The following APP variants were observed in gnomAD, a reference collection of about 807,000 sequenced individuals.
The protein encoded by APP is amyloid beta precursor protein.
In APP, 31 loss-of-function variants were observed where a neutral mutation model predicts 101.4. That is an observed-to-expected ratio of 0.31 (90% CI 0.23 to 0.41). The LOEUF (loss-of-function observed/expected upper bound fraction) is 0.41. Ranked by LOEUF, APP falls within the 10% of genes least tolerant of loss-of-function variation. The pLI is 1.00. For synonymous variants in APP, 366 were observed against 364.4 expected, an observed-to-expected ratio of 1.00 and a Z score of -0.05; for missense variants, 839 against 1,003.7, an observed-to-expected ratio of 0.84 and a Z score of 2.22.
intron 14 of APP, among the ~76,000 whole-genome samples, chr21:25,910,760 C>T (rs1228993042): frequency 1.3e-5 from 2 of 152,270 alleles, no homozygotes; most frequent in Admixed American, 1.3e-4. Context: ...TGGCAGCTGC[C>T]TTAAATTTAA....
intron 14 of APP, among the ~76,000 whole-genome samples, chr21:25,908,774 C>T (rs1346136095): frequency 1.3e-5 from 2 of 151,410 alleles, no homozygotes; most frequent in Non-Finnish European, 2.9e-5. Flanking sequence ...TTATTTAATG[C>T]TCATACTATA....
chr21:25,988,798 C>A (rs369603747), intron 8 of APP, among the ~76,000 whole-genome samples: 1 of 151,018 alleles, frequency 6.6e-6, no homozygotes, highest in Non-Finnish European at 1.5e-5. Context: ...CCTTCCCACA[C>A]GAGAAGGGTC....
At chr21:25,964,208 A>G (rs1170402594) in intron 11 of APP, among the ~76,000 whole-genome samples, 1 of 152,170 alleles carries the variant, frequency 6.6e-6, no homozygotes, top group South Asian at 2.1e-4. Flanking sequence ...AGCATCTAGG[A>G]GTCATCTATC....
chr21:25,969,831 C>T, intron 11 of APP, among the ~76,000 whole-genome samples: 1 of 83,292 alleles, frequency 1.2e-5, no homozygotes, highest in African/African-American at 6.3e-5. Context: ...AGAGCAAGAC[C>T]CTGAAAAGAA....
chr21:26,056,308 G>C (rs1319377895), intron 3 of APP, among the ~76,000 whole-genome samples: 10 of 152,130 alleles, frequency 6.6e-5, no homozygotes. Flanking sequence ...AAAGTGCCGG[G>C]ATTACAGACA....
At chr21:26,021,816 G>C (rs1437515160) in intron 6 of APP, 24 bp downstream of exon 6, 1 of 1,610,368 alleles carries the variant, frequency 6.2e-7, no homozygotes. Context: ...GGGGTGGGGG[G>C]AATCCAAGCA....
intron 8 of APP, among the ~76,000 whole-genome samples, chr21:25,996,567 GCT>G (rs1457776227): frequency 1.3e-5 from 2 of 151,910 alleles, no homozygotes; most frequent in Middle Eastern, 6.3e-3. Context: ...GGTAACCTTT[GCT>G]CTCTTTCTTC....
Position 25,886,972 on chromosome 21 carries a change from C to T in APP, c.2211+4750G>A, listed in dbSNP as rs2037367382. Among the ~76,000 whole-genome samples, 3 of 151,928 alleles carry T rather than the reference C, an allele frequency of 2.0e-5. No individual in the cohort carries two copies. The South Asian group carries it at 6.2e-4, about 32-fold the overall frequency. ...TTAGAAAAAGTCATATGCCATACCTCCATAAAAGCCAAATAAAAGGAACTC... is the reference window on the plus strand; with the variant it reads ...TTAGAAAAAGTCATATGCCATACCTTCATAAAAGCCAAATAAAAGGAACTC... On this transcript the variant is annotated intron_variant, in intron 17 of 17. Coordinates refer to ENST00000346798, the MANE Select transcript of APP (RefSeq NM_000484.4).
At chr21:25,916,520 G>A (rs2039356291) in intron 13 of APP, among the ~76,000 whole-genome samples, 1 of 152,168 alleles carries the variant, frequency 6.6e-6, no homozygotes, top group South Asian at 2.1e-4. Flanking sequence ...TGTTCATTCT[G>A]AGTGGGACTT....
chr21:26,072,087 T>A (rs1601389140), intron 3 of APP, among the ~76,000 whole-genome samples: 1 of 152,258 alleles, frequency 6.6e-6, no homozygotes, highest in Non-Finnish European at 1.5e-5. Context: ...TAACGTCATC[T>A]AGAGTAGGCC....
chr21:26,105,054 C>T (rs999985026), intron 2 of APP, among the ~76,000 whole-genome samples: 1 of 134,638 alleles, frequency 7.4e-6, no homozygotes, highest in Non-Finnish European at 1.6e-5. Flanking sequence ...CTAATGGTTT[C>T]CACGCATTTT....
At chr21:25,950,548 A>C (rs2041028695) in intron 13 of APP, among the ~76,000 whole-genome samples, 1 of 151,846 alleles carries the variant, frequency 6.6e-6, no homozygotes, top group African/African-American at 2.4e-5. Flanking sequence ...TGCCTGGCTA[A>C]TCTTTCTATT....
intron 17 of APP, among the ~76,000 whole-genome samples, chr21:25,890,890 A>G (rs577671971): frequency 1.3e-5 from 2 of 152,158 alleles, no homozygotes; most frequent in South Asian, 2.1e-4. Context: ...TAAAAATTCC[A>G]TAACTCTTAA....
chr21:26,122,002 C>T (rs2062583931), intron 1 of APP, among the ~76,000 whole-genome samples: 1 of 152,166 alleles, frequency 6.6e-6, no homozygotes, highest in Non-Finnish European at 1.5e-5. Context: ...AGTGGGTCTA[C>T]CATTTAACTA....
intron 1 of APP, among the ~76,000 whole-genome samples, chr21:26,136,181 GAAAGAAAGAAAGAAAGAAAGAAAAGA>G (rs1458296656): frequency 2.7e-5 from 2 of 74,980 alleles, no homozygotes; most frequent in Non-Finnish European, 4.5e-5. Context: ...AAGAAAGAAA[GAAAGAAAGAAAGAAAGAAAGAAAAGA>G]AAAGAAAGAA....
At chr21:25,979,236 T>C (rs1601096610) in intron 9 of APP, among the ~76,000 whole-genome samples, 1 of 152,262 alleles carries the variant, frequency 6.6e-6, no homozygotes, top group East Asian at 1.9e-4. Context: ...AGAAAACATA[T>C]AACAAAAACT....
At chr21:25,971,677 G>A (rs1168893923) in intron 11 of APP, among the ~76,000 whole-genome samples, 2 of 152,208 alleles carry the variant, frequency 1.3e-5, no homozygotes, top group African/African-American at 4.8e-5. Context: ...AAGCCAGGGG[G>A]AAAATCACCA....
At chr21:26,170,864 G>C (rs200203169), upstream of APP, 9 of 414,684 alleles carry the variant, frequency 2.2e-5, no homozygotes, top group Non-Finnish European at 3.8e-5. Context: ...TAGCGGCGCC[G>C]CCGGGGAACT....
At chr21:26,093,644 G>A (rs1380499404) in intron 2 of APP, among the ~76,000 whole-genome samples, 1 of 152,080 alleles carries the variant, frequency 6.6e-6, no homozygotes, top group Non-Finnish European at 1.5e-5. Context: ...CATGAAGACG[G>A]GGCTTTTCCC....
Sources: allele counts gnomAD v4.1 joint callset (sites outside exome capture counted in the v4.1 genomes callset), GRCh38; gene constraint gnomAD v4.1.1; transcripts MANE v1.5; gene names NCBI Gene and HGNC (gene_info 2026-07-23, HGNC 2026-07-21).